RXFP1: variants seen among roughly 807,000 people sequenced by gnomAD.
RXFP1 encodes the protein relaxin family peptide receptor 1, also known as relaxin receptor 1.
In RXFP1, 73 loss-of-function variants were observed where a neutral mutation model predicts 89.8. The ratio of observed to expected loss-of-function variants is 0.81; its 90% CI spans 0.67 to 0.99. RXFP1 has a LOEUF of 0.99. Among genes scored for constraint, RXFP1 ranks in the 50% least tolerant of loss-of-function variants. RXFP1 has a pLI of 0.00. For synonymous variants in RXFP1, 277 were observed against 305.5 expected, an observed-to-expected ratio of 0.91 and a Z score of 0.97; for missense variants, 793 against 895.5, an observed-to-expected ratio of 0.89 and a Z score of 1.46.
intron 4 of RXFP1, among the ~76,000 whole-genome samples, chr4:158,604,353 G>A (rs1273104341): frequency 2.6e-5 from 4 of 152,166 alleles, no homozygotes; most frequent in African/African-American, 9.7e-5. Context: ...TGGAGAGGTT[G>A]TGTGTGATTC....
At chr4:158,527,564 A>AAAAAAGATATAT (rs5741905) in intron 1 of RXFP1, among the ~76,000 whole-genome samples, 1 of 98,338 alleles carries the variant, frequency 1.0e-5, no homozygotes, top group Non-Finnish European at 2.0e-5. Flanking sequence ...AAAAAAAAAA[A>AAAAAAGATATAT]ATATATATAT....
intron 1 of RXFP1, among the ~76,000 whole-genome samples, chr4:158,533,100 TG>T (rs1319807867): frequency 6.6e-6 from 1 of 152,224 alleles, no homozygotes; most frequent in Admixed American, 6.5e-5. Flanking sequence ...GTGGAAAGAC[TG>T]GATGTTCTGT....
intron 4 of RXFP1, among the ~76,000 whole-genome samples, chr4:158,602,656 A>T (rs1323048514): frequency 2.0e-5 from 3 of 152,212 alleles, no homozygotes; most frequent in African/African-American, 7.2e-5. Context: ...ATAAAGTATA[A>T]TTTGTGCAAA....
chr4:158,532,189 C>T (rs933556517), intron 1 of RXFP1, among the ~76,000 whole-genome samples: 49 of 150,528 alleles, frequency 3.3e-4, no homozygotes, highest in Admixed American at 2.8e-3. Context: ...GAACATGTAG[C>T]GTTTGTTTTT....
intron 6 of RXFP1, among the ~76,000 whole-genome samples, chr4:158,609,120 T>C (rs1308434111): frequency 6.6e-6 from 1 of 152,160 alleles, no homozygotes; most frequent in Non-Finnish European, 1.5e-5. Context: ...TCTGTTTGGG[T>C]CCCCACTTTC....
chr4:158,568,634 G>A (rs955471716), intron 1 of RXFP1, among the ~76,000 whole-genome samples: 3 of 151,966 alleles, frequency 2.0e-5, no homozygotes, highest in African/African-American at 7.2e-5. Flanking sequence ...TAAACAATTG[G>A]TTGAAAAAAG....
chr4:158,573,884 T>C (rs1173940420), intron 2 of RXFP1, among the ~76,000 whole-genome samples: 2 of 152,182 alleles, frequency 1.3e-5, no homozygotes, highest in African/African-American at 4.8e-5. Flanking sequence ...GTCCAGGTGT[T>C]GGATGCTGTT....
rs200963512 is a variant in RXFP1 at position 158,627,295 on chromosome 4, T to TA, written c.827+413dup. Among the ~76,000 whole-genome samples, 764 of 151,546 alleles carry TA rather than the reference T, an allele frequency of 5.0e-3. 2 individuals are homozygous for TA. Among genetic ancestry groups the TA allele is most frequent in the Non-Finnish European group, 7.5e-3 (509 of 67,792 alleles). On this transcript the variant is annotated intron_variant, in intron 10 of 17. Coordinates refer to ENST00000307765, the MANE Select transcript of RXFP1 (RefSeq NM_021634.4). The stretch of plus-strand genomic sequence containing the variant: ...TAAAGGATGTTAGGTCTTCCTTCAG[T>TA]AAAAAAAAATCCAACTCTCCTATTC...
intron 11 of RXFP1, 39 bp downstream of exon 11, chr4:158,628,748 TCTA>T (rs1317596473): frequency 1.7e-6 from 2 of 1,162,286 alleles, no homozygotes; most frequent in African/African-American, 3.1e-5. Context: ...GAATTTTCTT[TCTA>T]CTGTTTTTTC....
At chr4:158,623,523 A>AAAAAAAAAAAAAAAC (rs1766081148) in intron 9 of RXFP1, among the ~76,000 whole-genome samples, 1 of 142,924 alleles carries the variant, frequency 7.0e-6, no homozygotes, top group South Asian at 2.1e-4. Context: ...AAAAAAAAAA[A>AAAAAAAAAAAAAAAC]AAAGATAATC....
intron 1 of RXFP1, among the ~76,000 whole-genome samples, chr4:158,549,723 C>G (rs1248900042): frequency 6.6e-6 from 1 of 152,174 alleles, no homozygotes; most frequent in Non-Finnish European, 1.5e-5. Context: ...CACTCCAGAC[C>G]CTGTTTGCCT....
At chr4:158,581,268 T>A (rs746805978) in intron 2 of RXFP1, among the ~76,000 whole-genome samples, 44 of 152,240 alleles carry the variant, frequency 2.9e-4, no homozygotes, top group Non-Finnish European at 6.0e-4. Flanking sequence ...ATAAATTAGA[T>A]ATGATAGACT....
chr4:158,563,030 GTGA>G (rs1752819997), intron 1 of RXFP1, among the ~76,000 whole-genome samples: 1 of 152,212 alleles, frequency 6.6e-6, no homozygotes, highest in African/African-American at 2.4e-5. Context: ...GATAAAGTTT[GTGA>G]TGATGTTTCT....
At chr4:158,551,184 G>A (rs1188483554) in intron 1 of RXFP1, among the ~76,000 whole-genome samples, 1 of 152,178 alleles carries the variant, frequency 6.6e-6, no homozygotes, top group Admixed American at 6.5e-5. Context: ...AACCTAGACA[G>A]CATTATGCTA....
chr4:158,558,892 A>G (rs887514616), intron 1 of RXFP1, among the ~76,000 whole-genome samples: 3 of 152,208 alleles, frequency 2.0e-5, no homozygotes, highest in African/African-American at 7.2e-5. Flanking sequence ...ATCAATCAAC[A>G]ATACAACCAA....
At chr4:158,624,944 G>A (rs559138498) in intron 9 of RXFP1, among the ~76,000 whole-genome samples, 1 of 152,218 alleles carries the variant, frequency 6.6e-6, no homozygotes, top group African/African-American at 2.4e-5. Context: ...CCCAATATGT[G>A]CCTCTTTTTG....
chr4:158,594,331 C>T (rs1482019919), intron 3 of RXFP1, among the ~76,000 whole-genome samples: 5 of 152,056 alleles, frequency 3.3e-5, no homozygotes, highest in African/African-American at 1.2e-4. Flanking sequence ...ATAAAACAGC[C>T]GCGTCCTCAG....
chr4:158,634,840 T>C (rs539986875), intron 12 of RXFP1, among the ~76,000 whole-genome samples: 66 of 152,312 alleles, frequency 4.3e-4, no homozygotes, highest in African/African-American at 1.5e-3. Flanking sequence ...CATTTGACCA[T>C]ATATCTGTGA....
intron 9 of RXFP1, among the ~76,000 whole-genome samples, chr4:158,617,647 T>C (rs1289544173): frequency 6.6e-6 from 1 of 152,158 alleles, no homozygotes; most frequent in African/African-American, 2.4e-5. Context: ...ATATGTTCCA[T>C]GGAATATTTT....
Sources: gnomAD v4.1 joint callset for allele counts (sites outside exome capture counted in the v4.1 genomes callset) on GRCh38, gnomAD v4.1.1 for gene constraint, MANE v1.5 for transcripts, NCBI Gene and HGNC (gene_info 2026-07-23, HGNC 2026-07-21) for gene names.